Variants in RPTOR observed in about 807,000 individuals in gnomAD.
The protein encoded by RPTOR is regulatory associated protein of MTOR complex 1.
A neutral mutation model predicts 169.9 loss-of-function variants in RPTOR; 21 were observed. That is an observed-to-expected ratio of 0.12 (90% CI 0.09 to 0.18). RPTOR has a LOEUF of 0.18. Among genes scored for constraint, RPTOR ranks in the 10% least tolerant of loss-of-function variants. The probability of loss-of-function intolerance (pLI) is 1.00; values close to 1 mark genes in which losing one functional copy is unlikely to be tolerated. For synonymous variants in RPTOR, 732 were observed against 753.2 expected, an observed-to-expected ratio of 0.97 and a Z score of 0.46; for missense variants, 1,133 against 1,855.9, an observed-to-expected ratio of 0.61 and a Z score of 7.16.
At position 80,760,303 on chromosome 17, in the gene RPTOR, T is replaced by TC. The variant is rs1186982436; in HGVS notation, c.830+6118_830+6119insC. ...TTCCAGTCGAGCTTTCTTTTTTCTT[T>TC]TTTCTTTTTTTTTTTTTTGAGACCG... On this transcript the variant is annotated intron_variant, in intron 6 of 33. Transcript: ENST00000306801. 2.4e-3 allele frequency among the ~76,000 whole-genome samples: 320 copies of TC among 135,620 alleles called. 2 individuals carry two copies. The highest frequency in any genetic ancestry group is 0.014 in the South Asian group (56 of 3,992). The allele number at this position is 135,620 out of a possible 152,430, so 89.0% of individuals were successfully genotyped here.
intron 24 of RPTOR, among the ~76,000 whole-genome samples, chr17:80,938,513 A>G (rs1009728835): frequency 6.6e-6 from 1 of 152,038 alleles, no homozygotes; most frequent in African/African-American, 2.4e-5. Flanking sequence ...ACCATTTGTC[A>G]TTTCTTTTCT....
chr17:80,798,258 T>C (rs1477383623), intron 7 of RPTOR, among the ~76,000 whole-genome samples: 1 of 152,158 alleles, frequency 6.6e-6, no homozygotes, highest in Non-Finnish European at 1.5e-5. Flanking sequence ...AGCGTAGCAG[T>C]GTCCACCATC....
intron 13 of RPTOR, among the ~76,000 whole-genome samples, chr17:80,872,785 C>T (rs952393742): frequency 1.7e-4 from 26 of 152,312 alleles, no homozygotes; most frequent in African/African-American, 6.3e-4. Context: ...TGGATGGGCA[C>T]AACGGGGCCC....
At chr17:80,733,800 G>A (rs577752022) in intron 5 of RPTOR, among the ~76,000 whole-genome samples, 1 of 152,364 alleles carries the variant, frequency 6.6e-6, no homozygotes, top group South Asian at 2.1e-4. Flanking sequence ...ACGCCTTCTT[G>A]CGTTCCCTCT....
At chr17:80,842,013 C>G (rs990754673) in intron 10 of RPTOR, among the ~76,000 whole-genome samples, 1 of 151,668 alleles carries the variant, frequency 6.6e-6, no homozygotes, top group Non-Finnish European at 1.5e-5. Flanking sequence ...GCAGCTCACT[C>G]TCACCACACG....
At chr17:80,582,065 C>T (rs1377230147) in intron 1 of RPTOR, among the ~76,000 whole-genome samples, 2 of 152,174 alleles carry the variant, frequency 1.3e-5, no homozygotes, top group African/African-American at 4.8e-5. Context: ...TTCTGAGGGC[C>T]AGCTGCAAGT....
At chr17:80,830,394 A>G (rs1364254185) in intron 9 of RPTOR, among the ~76,000 whole-genome samples, 2 of 152,194 alleles carry the variant, frequency 1.3e-5, no homozygotes, top group Non-Finnish European at 2.9e-5. Flanking sequence ...CTCAGTCTGT[A>G]TCAGTTCACT....
intron 6 of RPTOR, among the ~76,000 whole-genome samples, chr17:80,781,604 G>A (rs926004726): frequency 6.6e-6 from 1 of 152,248 alleles, no homozygotes; most frequent in Non-Finnish European, 1.5e-5. Flanking sequence ...CAGCAGCTGA[G>A]ACGTTTGGCA....
chr17:80,666,928 C>T (rs1300327015), intron 3 of RPTOR, among the ~76,000 whole-genome samples: 1 of 152,170 alleles, frequency 6.6e-6, no homozygotes, highest in Non-Finnish European at 1.5e-5. Context: ...CTACCGTATC[C>T]TCAGAGAAGG....
chr17:80,731,980 G>A (rs1199612179), intron 5 of RPTOR, among the ~76,000 whole-genome samples: 10 of 150,896 alleles, frequency 6.6e-5, no homozygotes, highest in African/African-American at 2.2e-4. Context: ...CATGCAACAA[G>A]TTTGTTTGTT....
intron 1 of RPTOR, among the ~76,000 whole-genome samples, chr17:80,613,872 A>G (rs1029734943): frequency 1.3e-5 from 2 of 152,232 alleles, no homozygotes; most frequent in Non-Finnish European, 2.9e-5. Flanking sequence ...CGTGTTCTGG[A>G]TAAGTGGCTG....
chr17:80,964,827 C>T lies in RPTOR; in HGVS notation c.*497C>T, dbSNP rs554326688. 4.7e-5 allele frequency: 11 copies of T among 235,656 alleles called. No homozygotes were observed. Among genetic ancestry groups the T allele is most frequent in the East Asian group, 3.0e-4 (5 of 16,692 alleles). 14.6% of individuals were successfully genotyped at this position (235,656 alleles called of 1,614,324 possible). A position where few individuals can be genotyped will look rare whatever the true frequency, so the allele number is the denominator to read the frequency against. On this transcript the variant is annotated 3_prime_UTR_variant, in exon 34 of 34. Coordinates refer to ENST00000306801, the MANE Select transcript of RPTOR (RefSeq NM_020761.3). ...CCCACCACCTCTCACAGTCAGTGCA[C>T]GCAAGCAGGGACATTTCCTAGCCAG...
At chr17:80,930,396 T>A (rs62068523) in intron 24 of RPTOR, among the ~76,000 whole-genome samples, 1 of 1,008 alleles carries the variant, frequency 9.9e-4, no homozygotes. Context: ...CTCAGCTCAT[T>A]CTCAGCTCAT....
At chr17:80,567,564 G>C (rs1398008443) in intron 1 of RPTOR, among the ~76,000 whole-genome samples, 4 of 151,890 alleles carry the variant, frequency 2.6e-5, no homozygotes, top group Non-Finnish European at 1.5e-5. Flanking sequence ...GGCCGAGGCA[G>C]GCAGATCACG....
At chr17:80,822,029 G>C (rs962217476) in intron 7 of RPTOR, among the ~76,000 whole-genome samples, 172 bp from the exon 8 acceptor site, 2 of 152,254 alleles carry the variant, frequency 1.3e-5, no homozygotes, top group Non-Finnish European at 2.9e-5. Flanking sequence ...GCTCTGAGCT[G>C]TGAGCTCATG....
chr17:80,696,427 G>GATA (rs948429447), intron 3 of RPTOR, among the ~76,000 whole-genome samples: 6 of 152,228 alleles, frequency 3.9e-5, no homozygotes. Flanking sequence ...ATGATACTGG[G>GATA]ATAGTGGAGC....
At chr17:80,892,202 T>C (rs886379644) in intron 18 of RPTOR, among the ~76,000 whole-genome samples, 1 of 152,134 alleles carries the variant, frequency 6.6e-6, no homozygotes, top group African/African-American at 2.4e-5. Flanking sequence ...GTGAGTCATG[T>C]CAGGCGTGCT....
chr17:80,856,591 T>A (rs1258685693), intron 12 of RPTOR, among the ~76,000 whole-genome samples: 1 of 152,216 alleles, frequency 6.6e-6, no homozygotes, highest in Non-Finnish European at 1.5e-5. Context: ...TCCAGGTGCC[T>A]GAGGCCACAA....
chr17:80,706,586 T>C (rs1240503871), intron 3 of RPTOR, among the ~76,000 whole-genome samples: 1 of 152,218 alleles, frequency 6.6e-6, no homozygotes, highest in South Asian at 2.1e-4. Context: ...ACTTTGTGTG[T>C]GAGTTCCCTG....
Sources: allele counts gnomAD v4.1 joint callset (sites outside exome capture counted in the v4.1 genomes callset), GRCh38; gene constraint gnomAD v4.1.1; transcripts MANE v1.5; gene names NCBI Gene and HGNC (gene_info 2026-07-23, HGNC 2026-07-21).